The following HDX variants were observed in gnomAD, a reference collection of about 807,000 sequenced individuals.
The protein encoded by HDX is highly divergent homeobox.
Under a neutral mutation model 45.2 loss-of-function variants are expected in HDX, and 19 were observed. The ratio of observed to expected loss-of-function variants is 0.42; its 90% CI spans 0.29 to 0.62. The LOEUF is 0.62. Among genes scored for constraint, HDX ranks in the 20% least tolerant of loss-of-function variants. The pLI is 0.20. For synonymous variants in HDX, 188 were observed against 172.8 expected (o/e 1.09, Z -0.69); for missense variants, 532 against 493.9 (o/e 1.08, Z -0.73).
intron 5 of HDX, among the ~76,000 whole-genome samples, chrX:84,430,187 C>A (rs138182793): frequency 0.015 from 1,607 of 110,621 alleles, 26 homozygotes; most frequent in African/African-American, 0.051. Flanking sequence ...TTACTATTTC[C>A]AGCCTCTAAT....
At chrX:84,423,912 A>G (rs2039327213) in intron 5 of HDX, among the ~76,000 whole-genome samples, 2 of 111,700 alleles carry the variant, frequency 1.8e-5, no homozygotes, top group Non-Finnish European at 3.8e-5. Context: ...TGTTGAATAT[A>G]ACAAAGATAT....
chrX:84,476,631 G>A (rs1383244942), intron 2 of HDX, among the ~76,000 whole-genome samples: 1 of 108,409 alleles, frequency 9.2e-6, no homozygotes, highest in Non-Finnish European at 1.9e-5. Context: ...GAGCAACAAC[G>A]AAACTCTTCA....
chrX:84,327,362 G>A (rs2036736154), intron 9 of HDX, among the ~76,000 whole-genome samples: 1 of 111,235 alleles, frequency 9.0e-6, no homozygotes, highest in Non-Finnish European at 1.9e-5. Flanking sequence ...TAAGATAATG[G>A]CCATGAAAGT....
At chrX:84,464,698 G>A (rs1053715555) in intron 4 of HDX, among the ~76,000 whole-genome samples, 3 of 111,691 alleles carry the variant, frequency 2.7e-5, no homozygotes, top group African/African-American at 9.8e-5. Flanking sequence ...AGACTAAAAC[G>A]TAAGACCTAA....
At chrX:84,381,818 C>T (rs1316098758) in intron 5 of HDX, among the ~76,000 whole-genome samples, 2 of 110,609 alleles carry the variant, frequency 1.8e-5, no homozygotes, top group Admixed American at 9.7e-5. Context: ...TAATACCACA[C>T]GAGCACAGAC....
At chrX:84,358,510 T>C (rs2037541840) in intron 6 of HDX, among the ~76,000 whole-genome samples, 2 of 111,383 alleles carry the variant, frequency 1.8e-5, no homozygotes, top group Admixed American at 9.6e-5. Flanking sequence ...GACTCTGAGC[T>C]CCTTAAAATA....
At chrX:84,363,416 G>A (rs894390599) in intron 5 of HDX, among the ~76,000 whole-genome samples, 1 of 111,810 alleles carries the variant, frequency 8.9e-6, no homozygotes, top group Admixed American at 9.6e-5. Context: ...AACATACATA[G>A]CTATCATAAT....
chrX:84,413,458 G>C (rs762113479), intron 5 of HDX, among the ~76,000 whole-genome samples: 2 of 111,491 alleles, frequency 1.8e-5, no homozygotes, highest in Non-Finnish European at 3.8e-5. Context: ...TCTAACTCTA[G>C]GTCCCTAGTA....
At chrX:84,357,187 G>A in intron 6 of HDX, among the ~76,000 whole-genome samples, 1 of 111,852 alleles carries the variant, frequency 8.9e-6, no homozygotes, top group Non-Finnish European at 1.9e-5. Context: ...GATTGGAAGT[G>A]GAAATCTTAG....
At chrX:84,382,271 A>G (rs774596257) in intron 5 of HDX, among the ~76,000 whole-genome samples, 8 of 111,712 alleles carry the variant, frequency 7.2e-5, no homozygotes, top group African/African-American at 2.6e-4. Flanking sequence ...TACAAACACT[A>G]TGGAGAACAG....
rs182328277 is a variant in HDX, at chrX:84,482,830, G to A, written c.-1+5194C>T. Among the ~76,000 whole-genome samples, 458 of 111,660 alleles carry A rather than the reference G, an allele frequency of 4.1e-3. 2 individuals carry two copies. The highest frequency in any genetic ancestry group is 0.014 in the African/African-American group (438 of 30,697). The stretch of plus-strand genomic sequence containing the variant: ...ATCTGAGACAAGGCAAGTCGCTTCC[G>A]CCTATGAGCCTGTAAAATCAAAAGC... On this transcript the variant is annotated intron_variant, in intron 2 of 10. Coordinates refer to ENST00000373177, the MANE Select transcript of HDX (RefSeq NM_001177479.2).
At chrX:84,436,751 A>T (rs944834620) in intron 5 of HDX, among the ~76,000 whole-genome samples, 1 of 111,795 alleles carries the variant, frequency 8.9e-6, no homozygotes, top group South Asian at 3.7e-4. Context: ...ACCTATAGTT[A>T]ATCCTAGTGA....
At chrX:84,350,768 T>A (rs959033831) in intron 6 of HDX, among the ~76,000 whole-genome samples, 8 of 112,023 alleles carry the variant, frequency 7.1e-5, no homozygotes, top group African/African-American at 2.6e-4. Flanking sequence ...TTTTTAAAAA[T>A]CCAATTTGCA....
chrX:84,417,496 G>T (rs762871957), intron 5 of HDX, among the ~76,000 whole-genome samples: 32 of 112,225 alleles, frequency 2.9e-4, no homozygotes, highest in Admixed American at 9.4e-4. Flanking sequence ...CTGGGAGAGG[G>T]AAAGAGAATG....
intron 5 of HDX, among the ~76,000 whole-genome samples, chrX:84,381,056 C>A (rs929072303): frequency 1.8e-5 from 2 of 111,061 alleles, no homozygotes; most frequent in African/African-American, 6.5e-5. Flanking sequence ...AGTGGCATTT[C>A]TATATGTCAA....
intron 5 of HDX, among the ~76,000 whole-genome samples, chrX:84,412,129 G>T (rs1329920044): frequency 9.0e-6 from 1 of 111,351 alleles, no homozygotes; most frequent in African/African-American, 3.3e-5. Context: ...TTACCACTCT[G>T]TGCCTTTTAA....
intron 5 of HDX, among the ~76,000 whole-genome samples, chrX:84,394,367 A>G (rs970633835): frequency 1.8e-5 from 2 of 112,085 alleles, no homozygotes; most frequent in African/African-American, 6.5e-5. Flanking sequence ...AGAAGACTTG[A>G]TACGACTTTG....
Position 84,344,384 on chromosome X carries a change from G to T in HDX, c.1526C>A (p.Ala509Asp). The T allele has an allele frequency of 8.3e-7, 1 of 1,205,970 alleles. No individual in the cohort carries two copies. The highest frequency in any genetic ancestry group is 1.1e-6 in the Non-Finnish European group (1 of 890,813). ...IEVPPPRGGP[A>D]DFSEQPESGS... ...AGACTCAGGCTGCTCAGAGAAATCA[G>T]CAGGGCCTCCTCTTGGAGGTGGAAC... Residue 509 changes from alanine (A) to aspartate (D), a missense_variant, in exon 7 of 11, where the codon GCT (alanine) becomes GAT (aspartate). Ala to Asp is a moderately radical substitution (Grantham distance 126). Around this residue, in one of 3 missense-constraint regions of HDX, gnomAD observed 151 missense variants for 131.8 expected, o/e 1.15. Transcript: ENST00000373177.
intron 3 of HDX, among the ~76,000 whole-genome samples, chrX:84,474,259 T>G (rs2040504728): frequency 9.0e-6 from 1 of 111,576 alleles, no homozygotes; most frequent in Non-Finnish European, 1.9e-5. Context: ...GCCACTGCAC[T>G]TCAGCCTGGG....
Sources: allele counts gnomAD v4.1 joint callset (sites outside exome capture counted in the v4.1 genomes callset), GRCh38; gene constraint gnomAD v4.1.1; regional missense constraint gnomAD v4.1.1; transcripts MANE v1.5; gene names NCBI Gene and HGNC (gene_info 2026-07-23, HGNC 2026-07-21).